TERB1: variants seen among roughly 807,000 people sequenced by gnomAD.
TERB1 encodes telomere repeats-binding bouquet formation protein 1.
TERB1 carries 63 observed loss-of-function variants against 92.3 expected under a neutral mutation model. That is an observed-to-expected ratio of 0.68 (90% CI 0.56 to 0.84). TERB1 has a LOEUF of 0.84. Ranked by LOEUF, TERB1 falls within the 40% of genes least tolerant of loss-of-function variation. TERB1 has a pLI of 0.00. For synonymous variants in TERB1, 252 were observed against 283.9 expected (o/e 0.89, Z 1.13); for missense variants, 709 against 843.7 (o/e 0.84, Z 1.98).
chr16:66,796,902 G>C, intron 2 of TERB1, 72 bp from the exon 3 acceptor site: 1 of 718,472 alleles, frequency 1.4e-6, no homozygotes, highest in Non-Finnish European at 2.2e-6. Context: ...ACAAATGGGC[G>C]GGAAAAATTG....
At chr16:66,772,418 G>T (rs1161916676) in intron 13 of TERB1, among the ~76,000 whole-genome samples, 171 bp downstream of exon 13, 1 of 152,164 alleles carries the variant, frequency 6.6e-6, no homozygotes, top group Non-Finnish European at 1.5e-5. Flanking sequence ...GGAGGCGGAG[G>T]TTGCAGTGAG....
chr16:66,801,534 A>C lies in TERB1; in HGVS notation c.-176T>G, dbSNP rs552743599. On this transcript the variant is annotated 5_prime_UTR_variant, in exon 1 of 19. Coordinates refer to ENST00000433154, the MANE Select transcript of TERB1 (RefSeq NM_001136505.2). Reference sequence around the variant, plus strand: ...AGCGGAGGCCGTGGCGTCTACCCTCAAGCGGGAGCTTCCGCCCTTTCTTCA... The same window carrying C: ...AGCGGAGGCCGTGGCGTCTACCCTCCAGCGGGAGCTTCCGCCCTTTCTTCA... 1.3e-3 allele frequency: 205 copies of C among 152,306 alleles called. 1 individual carries two copies. Among genetic ancestry groups the C allele is most frequent in the African/African-American group, 4.7e-3 (194 of 41,540 alleles). 9.4% of individuals were successfully genotyped at this position (152,306 alleles called of 1,614,324 possible).
chr16:66,778,340 C>G (rs1306795627), intron 10 of TERB1, among the ~76,000 whole-genome samples: 1 of 152,060 alleles, frequency 6.6e-6, no homozygotes, highest in Non-Finnish European at 1.5e-5. Flanking sequence ...CTCAAGCAAT[C>G]CTCCCATCTT....
At chr16:66,775,659 AAAC>A (rs1442032334) in intron 11 of TERB1, among the ~76,000 whole-genome samples, 2 of 152,090 alleles carry the variant, frequency 1.3e-5, no homozygotes, top group East Asian at 1.9e-4. Context: ...AAACAAAACA[AAAC>A]AACAACAACA....
At chr16:66,758,885 G>T in intron 17 of TERB1, 47 bp from the exon 18 acceptor site, 1 of 1,199,238 alleles carries the variant, frequency 8.3e-7, no homozygotes, top group Non-Finnish European at 1.2e-6. Flanking sequence ...ATCAATCTGA[G>T]TAATAGCATA....
At chr16:66,797,594 C>T (rs1047851545) in intron 2 of TERB1, among the ~76,000 whole-genome samples, 18 of 149,226 alleles carry the variant, frequency 1.2e-4, no homozygotes, top group African/African-American at 4.2e-4. Context: ...ATTAGGGACC[C>T]CTCTACCTAA....
At chr16:66,793,476 C>T (rs985798453) in intron 3 of TERB1, among the ~76,000 whole-genome samples, 1 of 151,766 alleles carries the variant, frequency 6.6e-6, no homozygotes, top group African/African-American at 2.4e-5. Context: ...CTTCGGCCTC[C>T]CAAAATGCTG....
chr16:66,779,639 AC>A (rs1206546406), intron 9 of TERB1, among the ~76,000 whole-genome samples: 3 of 152,130 alleles, frequency 2.0e-5, no homozygotes, highest in African/African-American at 4.8e-5. Flanking sequence ...AACAAAAAAA[AC>A]ACCTAACCCT....
intron 15 of TERB1, 138 bp downstream of exon 15, chr16:66,767,966 G>C (rs1046520443): frequency 3.0e-6 from 2 of 672,100 alleles, no homozygotes; most frequent in Non-Finnish European, 5.3e-6. Context: ...GACCTCAGCT[G>C]ATCTGCCCAC....
intron 3 of TERB1, among the ~76,000 whole-genome samples, chr16:66,794,016 G>A (rs909675648): frequency 6.6e-6 from 1 of 152,130 alleles, no homozygotes; most frequent in East Asian, 1.9e-4. Flanking sequence ...CCACATCAAC[G>A]TGCCAAAGAA....
intron 14 of TERB1, 73 bp from the exon 15 acceptor site, chr16:66,768,241 C>A: frequency 1.6e-6 from 2 of 1,217,762 alleles, no homozygotes; most frequent in Non-Finnish European, 2.3e-6. Context: ...TTTCTGTAAG[C>A]AGTGTTGTGA....
intron 5 of TERB1, 124 bp downstream of exon 5, chr16:66,790,471 T>A (rs2018813144): frequency 1.6e-6 from 1 of 624,778 alleles, no homozygotes; most frequent in Non-Finnish European, 2.6e-6. Flanking sequence ...GGAAGGAGGC[T>A]AGATAAAATT....
chr16:66,773,091 T>G (rs946049246), intron 12 of TERB1, among the ~76,000 whole-genome samples: 1 of 150,894 alleles, frequency 6.6e-6, no homozygotes, highest in African/African-American at 2.4e-5. Context: ...CATTTTGGGA[T>G]GCCGAGGCGG....
chr16:66,785,350 G>C (rs966905052), intron 9 of TERB1, among the ~76,000 whole-genome samples: 1 of 152,072 alleles, frequency 6.6e-6, no homozygotes, highest in African/African-American at 2.4e-5. Flanking sequence ...GCCTAATGTT[G>C]TATTTTCATT....
At chr16:66,765,849 A>ATTTTTTTT (rs10564947) in intron 16 of TERB1, among the ~76,000 whole-genome samples, 21 of 62,502 alleles carry the variant, frequency 3.4e-4, no homozygotes, top group Non-Finnish European at 4.7e-4. Flanking sequence ...ACTATTGGGT[A>ATTTTTTTT]TTTTTTTTTT....
chr16:66,795,281 A>T (rs963817268), intron 3 of TERB1, among the ~76,000 whole-genome samples: 1 of 152,196 alleles, frequency 6.6e-6, no homozygotes, highest in South Asian at 2.1e-4. Context: ...TTGCTAAACA[A>T]TTGACTGATG....
chr16:66,767,390 C>T, intron 16 of TERB1, 25 bp downstream of exon 16: 2 of 1,304,512 alleles, frequency 1.5e-6, no homozygotes, highest in Non-Finnish European at 2.1e-6. Context: ...GACTGTGAAA[C>T]AACTGCAATT....
At position 66,770,276 on chromosome 16, in the gene TERB1, T is replaced by C. The variant is rs1025178268; in HGVS notation, c.1306A>G (p.Ile436Val). ...TGAATACTTATGTTCATAGATGAAA[T>C]ATTATCCTGATAGTTTTCTCTTTGT... ...EIQRENYQDN[I>V]SSMNISIQNT... The change falls in exon 14 of 19, where the codon ATT (isoleucine) becomes GTT (valine). Residue 436 changes from isoleucine to valine, a missense_variant. Coordinates refer to ENST00000433154, the MANE Select transcript of TERB1 (RefSeq NM_001136505.2). 15 of 1,548,598 alleles carry C rather than the reference T, an allele frequency of 9.7e-6. No individual in the cohort carries two copies. The highest frequency in any genetic ancestry group is 1.2e-5 in the Non-Finnish European group (14 of 1,145,330).
Position 66,758,823 on chromosome 16 carries a change from G to A in TERB1, c.1946C>T (p.Pro649Leu), listed in dbSNP as rs2018181057. The A allele has an allele frequency of 2.6e-6, 4 of 1,533,504 alleles. No individual in the cohort carries two copies. The highest frequency in any genetic ancestry group is 4.1e-5 in the Admixed American group (2 of 48,366). 95.0% of individuals were successfully genotyped at this position (1,533,504 alleles called of 1,614,324 possible). Residue 649 changes from proline (P) to leucine (L), a missense_variant, in exon 18 of 19, where the codon CCA becomes CTA. Pro to Leu is a moderately conservative substitution (Grantham distance 98). Transcript: ENST00000433154. ...LICNKKILLT[P>L]RRRQRLSNES... ...ATTACTGAGTCGTTGTCTTCTACGT[G>A]GGGTCAGCAGAATTTCTGAAAAATA...
Sources: gnomAD v4.1 joint callset for allele counts (sites outside exome capture counted in the v4.1 genomes callset) on GRCh38, gnomAD v4.1.1 for gene constraint, MANE v1.5 for transcripts, NCBI Gene and HGNC (gene_info 2026-07-23, HGNC 2026-07-21) for gene names.